PTPRD: variants seen among roughly 807,000 people sequenced by gnomAD.
PTPRD encodes protein tyrosine phosphatase receptor type D, also known as receptor-type tyrosine-protein phosphatase delta.
Under a neutral mutation model 214.5 loss-of-function variants are expected in PTPRD, and 34 were observed. The ratio of observed to expected loss-of-function variants is 0.16; its 90% confidence interval spans 0.12 to 0.21. The LOEUF (loss-of-function observed/expected upper bound fraction) is 0.21. Among genes scored for constraint, PTPRD ranks in the 10% least tolerant of loss-of-function variants. The pLI, the probability that PTPRD is intolerant of heterozygous loss-of-function variation, is 1.00. For synonymous variants in PTPRD, 1,128 were observed against 845.7 expected (o/e 1.33, Z -5.79); for missense variants, 2,545 against 2,398.7 (o/e 1.06, Z -1.27).
At chr9:9,997,713 G>A (rs2096176478) in intron 4 of PTPRD, among the ~76,000 whole-genome samples, 1 of 152,028 alleles carries the variant, frequency 6.6e-6, no homozygotes, top group Admixed American at 6.6e-5. Context: ...TTTTCTAGCA[G>A]AAAGGCAGCT....
chr9:9,587,972 G>C (rs1032936394), intron 7 of PTPRD, among the ~76,000 whole-genome samples: 3 of 151,886 alleles, frequency 2.0e-5, no homozygotes, highest in African/African-American at 7.2e-5. Context: ...ACAGTATTTT[G>C]TATACTTCAA....
chr9:9,426,537 C>G (rs913200516), intron 8 of PTPRD, among the ~76,000 whole-genome samples: 1 of 152,212 alleles, frequency 6.6e-6, no homozygotes, highest in Non-Finnish European at 1.5e-5. Flanking sequence ...AGGTCCCTGT[C>G]TGACAGCTTT....
chr9:10,469,140 A>G (rs1439848417), intron 2 of PTPRD, among the ~76,000 whole-genome samples: 1 of 152,162 alleles, frequency 6.6e-6, no homozygotes, highest in African/African-American at 2.4e-5. Flanking sequence ...CTGGCAAAAG[A>G]GTTATACCAA....
At chr9:10,246,387 G>T (rs1016417794) in intron 3 of PTPRD, among the ~76,000 whole-genome samples, 1 of 152,096 alleles carries the variant, frequency 6.6e-6, no homozygotes, top group Non-Finnish European at 1.5e-5. Context: ...GGGATTACAG[G>T]TGCCCACCAT....
intron 5 of PTPRD, among the ~76,000 whole-genome samples, chr9:9,896,103 G>T (rs2074901141): frequency 6.6e-6 from 1 of 151,752 alleles, no homozygotes; most frequent in South Asian, 2.1e-4. Context: ...TTTTCTCTTT[G>T]GGAGCTTAGT....
intron 4 of PTPRD, among the ~76,000 whole-genome samples, chr9:10,010,281 A>T (rs1236582764): frequency 6.6e-6 from 1 of 151,988 alleles, no homozygotes; most frequent in Non-Finnish European, 1.5e-5. Context: ...TTTAAAATGT[A>T]ATTCATTTAC....
chr9:9,816,455 C>G (rs1196765033), intron 5 of PTPRD, among the ~76,000 whole-genome samples: 1 of 151,922 alleles, frequency 6.6e-6, no homozygotes, highest in Non-Finnish European at 1.5e-5. Flanking sequence ...TGCTTTGGTA[C>G]ATTTACATAA....
intron 39 of PTPRD, among the ~76,000 whole-genome samples, chr9:8,351,242 C>A (rs10739160): frequency 1.3e-5 from 2 of 151,902 alleles, no homozygotes; most frequent in Non-Finnish European, 1.5e-5. Context: ...ACACCACTTA[C>A]ATTGTTTTAA....
rs151255280 is a variant in PTPRD, at chr9:9,513,668, C to T, written c.-237+61064G>A. On this transcript the variant is annotated intron_variant, in intron 8 of 45. Coordinates refer to ENST00000381196, the MANE Select transcript of PTPRD (RefSeq NM_002839.4). The stretch of plus-strand genomic sequence containing the variant: ...TGAATATTCTTCTCCTTCCCCAAAC[C>T]TTTCATGAAACACAGACATGAAGAA... 7.8e-4 allele frequency among the ~76,000 whole-genome samples: 118 copies of T among 151,606 alleles called. 1 individual carries two copies. The highest frequency in any genetic ancestry group is 3.4e-3 in the Middle Eastern group (1 of 292).
At chr9:10,166,785 A>G (rs2099161728) in intron 3 of PTPRD, among the ~76,000 whole-genome samples, 1 of 152,134 alleles carries the variant, frequency 6.6e-6, no homozygotes, top group South Asian at 2.1e-4. Context: ...TAAGGCATCA[A>G]GTTTTTCCAC....
intron 5 of PTPRD, among the ~76,000 whole-genome samples, chr9:9,791,102 AT>A (rs999667844): frequency 3.9e-5 from 6 of 152,068 alleles, no homozygotes; most frequent in East Asian, 1.9e-4. Flanking sequence ...TTTGTTACAG[AT>A]TTTTTTTAGG....
At chr9:10,194,537 T>G (rs2099389827) in intron 3 of PTPRD, among the ~76,000 whole-genome samples, 1 of 151,972 alleles carries the variant, frequency 6.6e-6, no homozygotes, top group African/African-American at 2.4e-5. Flanking sequence ...CCGTTATATG[T>G]TTGAATTACT....
intron 3 of PTPRD, among the ~76,000 whole-genome samples, chr9:10,285,366 T>C (rs1370024969): frequency 1.3e-5 from 2 of 152,186 alleles, no homozygotes; most frequent in Non-Finnish European, 2.9e-5. Context: ...AAGCATTTTG[T>C]CGGGGTTCAG....
chr9:9,042,605 CTT>C (rs201347176), intron 10 of PTPRD, among the ~76,000 whole-genome samples: 1 of 81,258 alleles, frequency 1.2e-5, no homozygotes, highest in African/African-American at 3.9e-5. Context: ...AGCATTTTTT[CTT>C]TTTTTTCTTT....
At chr9:8,336,728 G>C (rs951199246) in intron 43 of PTPRD, among the ~76,000 whole-genome samples, 1 of 151,254 alleles carries the variant, frequency 6.6e-6, no homozygotes, top group Non-Finnish European at 1.5e-5. Context: ...CTAATATCCA[G>C]AATCTACAAA....
chr9:8,719,825 A>G (rs2098473366), intron 12 of PTPRD, among the ~76,000 whole-genome samples: 1 of 152,056 alleles, frequency 6.6e-6, no homozygotes, highest in Middle Eastern at 3.2e-3. Flanking sequence ...TAGCTAATGT[A>G]TATCAATGTG....
intron 34 of PTPRD, among the ~76,000 whole-genome samples, chr9:8,440,895 G>A (rs1032604264): frequency 2.6e-5 from 4 of 152,154 alleles, no homozygotes; most frequent in African/African-American, 9.7e-5. Context: ...TTATACAAGA[G>A]GACTCAAATC....
At chr9:9,871,607 A>T (rs901571601) in intron 5 of PTPRD, among the ~76,000 whole-genome samples, 4 of 147,262 alleles carry the variant, frequency 2.7e-5, no homozygotes, top group Non-Finnish European at 4.5e-5. Context: ...CTGGGAGGAG[A>T]AGTGCAGGGG....
intron 4 of PTPRD, among the ~76,000 whole-genome samples, chr9:9,986,289 T>C (rs1329130847): frequency 6.6e-6 from 1 of 152,136 alleles, no homozygotes; most frequent in Non-Finnish European, 1.5e-5. Flanking sequence ...GGTGTAAACA[T>C]CACTTTTGCA....
Sources: allele counts gnomAD v4.1 joint callset (sites outside exome capture counted in the v4.1 genomes callset), GRCh38; gene constraint gnomAD v4.1.1; transcripts MANE v1.5; gene names NCBI Gene and HGNC (gene_info 2026-07-23, HGNC 2026-07-21).